The following CD226 variants were observed in gnomAD, a reference collection of about 807,000 sequenced individuals.
CD226 encodes CD226 molecule, also known as CD226 antigen.
Under a neutral mutation model 34.9 loss-of-function variants are expected in CD226, and 24 were observed. The ratio of observed to expected loss-of-function variants is 0.69; its 90% CI spans 0.50 to 0.97. The LOEUF (loss-of-function observed/expected upper bound fraction) is 0.97, where lower values mean the gene tolerates loss of function less well. CD226 is among the 50% of genes least tolerant of loss of function. The probability of loss-of-function intolerance (pLI) is 0.00; values close to 1 mark genes in which losing one functional copy is unlikely to be tolerated. For missense variants in CD226, 397 were observed against 412.7 expected, an observed-to-expected ratio of 0.96 and a Z score of 0.33; for synonymous variants, 148 against 147.4, an observed-to-expected ratio of 1.00 and a Z score of -0.03.
chr18:69,943,226 A>G (rs2055747839), intron 2 of CD226, among the ~76,000 whole-genome samples: 1 of 152,232 alleles, frequency 6.6e-6, no homozygotes, highest in Non-Finnish European at 1.5e-5. Context: ...GTGGCAGAGC[A>G]TTCTGAGTGG....
chr18:69,902,620 A>G (rs1264482440), intron 2 of CD226, among the ~76,000 whole-genome samples: 3 of 151,078 alleles, frequency 2.0e-5, no homozygotes. Context: ...CTGTCTACTC[A>G]CCATCGCTGA....
chr18:69,953,492 A>G (rs750170442), intron 1 of CD226, among the ~76,000 whole-genome samples: 1 of 152,244 alleles, frequency 6.6e-6, no homozygotes, highest in Non-Finnish European at 1.5e-5. Flanking sequence ...GTAAGAATCC[A>G]TTTATATGAA....
chr18:69,949,045 A>G (rs1013451479), upstream of CD226, among the ~76,000 whole-genome samples: 3 of 152,190 alleles, frequency 2.0e-5, no homozygotes, highest in Non-Finnish European at 4.4e-5. Context: ...TGTTTCAGGA[A>G]ATGGTGTGAC....
chr18:69,857,537 TA>T lies in CD226; in HGVS notation c.*6776del, dbSNP rs1227840474. The T allele has an allele frequency of 1.3e-5, 2 of 152,208 alleles. No individual in the cohort carries two copies. The highest frequency in any genetic ancestry group is 1.3e-4 in the Admixed American group (2 of 15,260). 9.4% of individuals were successfully genotyped at this position (152,208 alleles called of 1,614,324 possible). A position where few individuals can be genotyped will look rare whatever the true frequency, so the allele number is the denominator to read the frequency against. On this transcript the variant is annotated 3_prime_UTR_variant, in exon 6 of 6. Coordinates refer to ENST00000582621, the MANE Select transcript of CD226 (RefSeq NM_001303618.2). Reference sequence around the variant, plus strand: ...AGGATGTAATGAATACATGATTGAATAAGGATATATCTTAAGAATGCATTTT... The same window carrying T: ...AGGATGTAATGAATACATGATTGAATAGGATATATCTTAAGAATGCATTTT...
chr18:69,947,035 A>C lies in CD226; in HGVS notation c.81T>G (p.Val27=). The change falls in exon 2 of 6, where the codon GTT becomes GTG. Residue 27 remains valine, a synonymous_variant. Coordinates refer to ENST00000582621, the MANE Select transcript of CD226 (RefSeq NM_001303618.2). The part of the protein sequence containing the change: ...LCEEVLWHTS[V]PFAENMSLEC... ...CTAGAGACATGTTCTCGGCAAAGGG[A>C]ACTGATGTATGCCAAAGCACCTCTT... 1 of 1,614,166 alleles carries C rather than the reference A, an allele frequency of 6.2e-7. No homozygotes were observed. Among genetic ancestry groups the C allele is most frequent in the Non-Finnish European group, 8.5e-7 (1 of 1,179,992 alleles).
At chr18:69,917,197 C>T (rs1485504282) in intron 2 of CD226, among the ~76,000 whole-genome samples, 2 of 152,198 alleles carry the variant, frequency 1.3e-5, no homozygotes, top group Non-Finnish European at 2.9e-5. Context: ...TTCTATGTAT[C>T]CCCAAAGCCT....
chr18:69,877,087 C>T (rs1244015878), intron 3 of CD226, among the ~76,000 whole-genome samples: 3 of 152,048 alleles, frequency 2.0e-5, no homozygotes, highest in African/African-American at 7.2e-5. Flanking sequence ...TGGTCTCGAA[C>T]TCCTCACCTA....
chr18:69,947,481 A>G lies in CD226; in HGVS notation c.-75T>C, dbSNP rs2145369628. On this transcript the variant is annotated 5_prime_UTR_variant, in exon 1 of 6. Coordinates refer to ENST00000582621, the MANE Select transcript of CD226 (RefSeq NM_001303618.2). ...TTTATAATGTGACATGCAGATCCCC[A>G]GCACAATGCAGTTTCCTTCCTCTCA... The G allele has an allele frequency of 1.2e-6, 1 of 857,194 alleles. No homozygotes were observed. The highest frequency in any genetic ancestry group is 1.9e-6 in the Non-Finnish European group (1 of 536,578). The allele number at this position is 857,194 out of a possible 1,614,324, so 53.1% of individuals were successfully genotyped here.
At position 69,947,011 on chromosome 18, in the gene CD226, T is replaced by C; in HGVS notation, c.105A>G (p.Leu35=). The C allele has an allele frequency of 8.1e-6, 13 of 1,614,202 alleles. No homozygotes were observed. The highest frequency in any genetic ancestry group is 3.3e-5 in the South Asian group (3 of 91,086). ...TGCCCATTGATGGATACACACATTC[T>C]AGAGACATGTTCTCGGCAAAGGGAA... ...TSVPFAENMS[L]ECVYPSMGIL... The change falls in exon 2 of 6, where the codon CTA becomes CTG. Residue 35 remains leucine, a synonymous_variant. Coordinates refer to ENST00000582621, the MANE Select transcript of CD226 (RefSeq NM_001303618.2).
At chr18:69,924,293 C>T in intron 2 of CD226, among the ~76,000 whole-genome samples, 1 of 152,036 alleles carries the variant, frequency 6.6e-6, no homozygotes. Flanking sequence ...TAACTGGCTC[C>T]TGAATTTATA....
chr18:69,875,888 C>T (rs1239379717), intron 3 of CD226, among the ~76,000 whole-genome samples: 2 of 152,122 alleles, frequency 1.3e-5, no homozygotes, highest in Non-Finnish European at 2.9e-5. Flanking sequence ...GGGAATAGAA[C>T]AGTGGTTGCC....
At chr18:69,956,993 T>C (rs2055903431) in exon 1 of CD226, 1 of 152,210 alleles carries the variant, frequency 6.6e-6, no homozygotes, top group Admixed American at 6.5e-5. Flanking sequence ...CTTCCTCAGA[T>C]AGCAACTGAA....
At chr18:69,919,170 G>A (rs930346183) in intron 2 of CD226, among the ~76,000 whole-genome samples, 3 of 152,198 alleles carry the variant, frequency 2.0e-5, no homozygotes, top group African/African-American at 4.8e-5. Context: ...CAAGCACTGC[G>A]TCCAATGAGT....
chr18:69,907,397 T>G (rs1007878385), intron 2 of CD226, among the ~76,000 whole-genome samples: 20 of 152,168 alleles, frequency 1.3e-4, no homozygotes, highest in Admixed American at 4.6e-4. Context: ...ACTCAGCACC[T>G]CCTGGGTTCA....
chr18:69,888,416 C>CTTTTTTT (rs397771802), intron 3 of CD226, among the ~76,000 whole-genome samples: 4 of 125,074 alleles, frequency 3.2e-5, no homozygotes, highest in Non-Finnish European at 4.8e-5. Context: ...TTTCCTTTCT[C>CTTTTTTT]TTTTTTTTTT....
At chr18:69,917,337 C>T (rs985709717) in intron 2 of CD226, among the ~76,000 whole-genome samples, 13 of 152,170 alleles carry the variant, frequency 8.5e-5, no homozygotes, top group African/African-American at 3.1e-4. Flanking sequence ...CTCCAACTCA[C>T]CACATACACT....
intron 1 of CD226, chr18:69,956,576 A>G (rs557487322): frequency 6.6e-6 from 1 of 152,388 alleles, no homozygotes; most frequent in South Asian, 2.1e-4. Flanking sequence ...ACCCCTCATT[A>G]AACTAACAGT....
intron 2 of CD226, among the ~76,000 whole-genome samples, chr18:69,922,975 T>C (rs1051626766): frequency 7.9e-5 from 12 of 151,644 alleles, no homozygotes; most frequent in Admixed American, 4.6e-4. Context: ...TCTACTAAAA[T>C]TACAAAAATT....
chr18:69,897,746 AAG>A (rs1985382566), intron 2 of CD226, among the ~76,000 whole-genome samples: 1 of 152,234 alleles, frequency 6.6e-6, no homozygotes. Context: ...CACATTTCGA[AAG>A]AGAGAATGAA....
Sources: gnomAD v4.1 joint callset for allele counts (sites outside exome capture counted in the v4.1 genomes callset) on GRCh38, gnomAD v4.1.1 for gene constraint, MANE v1.5 for transcripts, NCBI Gene and HGNC (gene_info 2026-07-23, HGNC 2026-07-21) for gene names.